Variants in TUBA3D observed in about 807,000 individuals in gnomAD.
The protein encoded by TUBA3D is tubulin alpha 3d.
Under a neutral mutation model 36.1 loss-of-function variants are expected in TUBA3D, and 24 were observed. That is an observed-to-expected ratio of 0.66 (90% CI 0.48 to 0.93). TUBA3D has a LOEUF of 0.93. Ranked by LOEUF, TUBA3D falls within the 40% of genes least tolerant of loss-of-function variation. TUBA3D has a pLI of 0.00. For synonymous variants in TUBA3D, 185 were observed against 247.2 expected (o/e 0.75, Z 2.36); for missense variants, 356 against 614.5 (o/e 0.58, Z 4.45).
chr2:131,482,471 T>C, intron 4 of TUBA3D, 81 bp from the exon 5 acceptor site: 1 of 1,531,536 alleles, frequency 6.5e-7, no homozygotes, highest in Non-Finnish European at 8.8e-7. Flanking sequence ...CTACAGGGTG[T>C]CTTCTGTTTG....
rs775903908 is a variant in TUBA3D at position 131,482,587 on chromosome 2, C to T, written c.1092C>T (p.Pro364=). The T allele has an allele frequency of 1.2e-5, 19 of 1,612,870 alleles. No homozygotes were observed. Among genetic ancestry groups the T allele is most frequent in the South Asian group, 3.3e-5 (3 of 91,020 alleles). The part of the protein sequence containing the change: ...GINYQPPTVV[P]GGDLAKVQRA... Reference sequence around the variant, plus strand: ...ACTACCAGCCCCCCACAGTGGTCCCCGGGGGAGACCTGGCCAAGGTGCAGC... The same window carrying T: ...ACTACCAGCCCCCCACAGTGGTCCCTGGGGGAGACCTGGCCAAGGTGCAGC... Residue 364 remains proline (P), a synonymous_variant, in exon 5 of 5, where the codon CCC becomes CCT. Coordinates refer to ENST00000321253, the MANE Select transcript of TUBA3D (RefSeq NM_080386.4).
intron 2 of TUBA3D, 132 bp from the exon 3 acceptor site, chr2:131,479,176 C>T (rs1388066096): frequency 5.7e-6 from 8 of 1,404,150 alleles, no homozygotes; most frequent in African/African-American, 4.3e-5. Flanking sequence ...GACACTGCCA[C>T]TGTTGACCTA....
At chr2:131,479,260 G>A in intron 2 of TUBA3D, 48 bp from the exon 3 acceptor site, 3 of 1,594,558 alleles carry the variant, frequency 1.9e-6, no homozygotes, top group Non-Finnish European at 2.6e-6. Flanking sequence ...GTCCATCTTG[G>A]TGAGTACAGG....
intron 4 of TUBA3D, among the ~76,000 whole-genome samples, chr2:131,482,282 T>C (rs1678889090): frequency 1.3e-5 from 2 of 152,194 alleles, no homozygotes; most frequent in Non-Finnish European, 2.9e-5. Context: ...TGTCTTCACC[T>C]GGGCACCTAT....
intron 1 of TUBA3D, among the ~76,000 whole-genome samples, chr2:131,477,033 C>CT (rs778753012): frequency 7.2e-6 from 1 of 139,190 alleles, no homozygotes; most frequent in African/African-American, 2.7e-5. Flanking sequence ...CTTTCTTTTT[C>CT]TTTCTTTTTT....
rs1401758493 is a variant in TUBA3D at position 131,476,189 on chromosome 2, C to T, written c.-11C>T. On this transcript the variant is annotated 5_prime_UTR_variant, in exon 1 of 5. Coordinates refer to ENST00000321253, the MANE Select transcript of TUBA3D (RefSeq NM_080386.4). Reference sequence around the variant, plus strand: ...TGGCAGTAGCGTTGGGCTGAAGCAGCGGAGTTCGCCATGGTAAGGCCCGGG... The same window carrying T: ...TGGCAGTAGCGTTGGGCTGAAGCAGTGGAGTTCGCCATGGTAAGGCCCGGG... 1 of 1,613,950 alleles carries T rather than the reference C, an allele frequency of 6.2e-7. No individual in the cohort carries two copies. The highest frequency in any genetic ancestry group is 8.5e-7 in the Non-Finnish European group (1 of 1,179,986).
At chr2:131,481,259 GCTTT>G (rs1027223615) in intron 4 of TUBA3D, among the ~76,000 whole-genome samples, 1 of 151,496 alleles carries the variant, frequency 6.6e-6, no homozygotes, top group African/African-American at 2.4e-5. Context: ...TCTGTGGTGA[GCTTT>G]ATTTATTTAT....
In TUBA3D at chr2:131,479,352, C is replaced by A. The variant is rs1158541089; in HGVS notation, c.271C>A (p.Gln91Lys). 4 of 1,614,044 alleles carry A rather than the reference C, an allele frequency of 2.5e-6. No homozygotes were observed. The highest frequency in any genetic ancestry group is 3.4e-6 in the Non-Finnish European group (4 of 1,180,044). ...CTACAGGCAGCTCTTCCACCCGGAG[C>A]AGCTGATCACCGGGAAGGAAGATGC... The part of the protein sequence containing the change: ...GTYRQLFHPE[Q>K]LITGKEDAAN... The change falls in exon 3 of 5, where the codon CAG becomes AAG. Residue 91 changes from glutamine to lysine, a missense_variant. Gln to Lys is a moderately conservative substitution (Grantham distance 53). Around this residue, in one of 3 missense-constraint regions of TUBA3D, gnomAD observed 109 missense variants for 153.7 expected, o/e 0.71. Transcript: ENST00000321253.
intron 3 of TUBA3D, 97 bp downstream of exon 3, chr2:131,479,553 A>C (rs1319053820): frequency 6.4e-7 from 1 of 1,567,360 alleles, no homozygotes; most frequent in Non-Finnish European, 8.7e-7. Flanking sequence ...TTAGACCAGC[A>C]TCTTGGCCGG....
chr2:131,480,832 G>GAA, intron 4 of TUBA3D, 83 bp downstream of exon 4: 1 of 1,549,162 alleles, frequency 6.5e-7, no homozygotes, highest in Non-Finnish European at 8.8e-7. Flanking sequence ...CATCCTTTGG[G>GAA]GAGATTATCC....
chr2:131,478,326 A>G lies in TUBA3D; in HGVS notation c.166A>G (p.Thr56Ala). ...CTCCTTCAACACGTTCTTCAGTGAG[A>G]CTGGAGCTGGCAAGCACGTGCCCAG... ...DDSFNTFFSE[T>A]GAGKHVPRAV... Residue 56 changes from threonine (T) to alanine (A), a missense_variant, in exon 2 of 5, where the codon ACT (threonine) becomes GCT (alanine). Thr to Ala is a moderately conservative substitution (Grantham distance 58). Coordinates refer to ENST00000321253, the MANE Select transcript of TUBA3D (RefSeq NM_080386.4). The G allele has an allele frequency of 1.9e-6, 3 of 1,613,980 alleles. No homozygotes were observed. Among genetic ancestry groups the G allele is most frequent in the Non-Finnish European group, 2.5e-6 (3 of 1,179,876 alleles).
chr2:131,482,474 T>A (rs3900678), intron 4 of TUBA3D, 78 bp from the exon 5 acceptor site: 1 of 1,532,392 alleles, frequency 6.5e-7, no homozygotes, highest in Non-Finnish European at 8.8e-7. Context: ...CAGGGTGTCT[T>A]CTGTTTGAGG....
At chr2:131,482,433 G>C in intron 4 of TUBA3D, 119 bp from the exon 5 acceptor site, 2 of 1,432,562 alleles carry the variant, frequency 1.4e-6, no homozygotes, top group Non-Finnish European at 1.9e-6. Flanking sequence ...TGACGTTTGT[G>C]AGGTGAACTG....
chr2:131,479,412 G>A lies in TUBA3D; in HGVS notation c.331G>A (p.Gly111Ser), dbSNP rs550660894. 2.2e-5 allele frequency: 35 copies of A among 1,614,120 alleles called. No homozygotes were observed. Among genetic ancestry groups the A allele is most frequent in the Non-Finnish European group, 2.2e-5 (26 of 1,180,028 alleles). Residue 111 changes from glycine to serine, a missense_variant, in exon 3 of 5, where the codon GGC becomes AGC. Coordinates refer to ENST00000321253, the MANE Select transcript of TUBA3D (RefSeq NM_080386.4). ...NNYARGHYTI[G>S]KEIVDLVLDR... is the part of the protein sequence containing the mutation. ...TTACGCCAGGGGCCATTACACCATC[G>A]GCAAGGAGATTGTTGACCTAGTCCT...
rs199950748 is a variant in TUBA3D at position 131,482,670 on chromosome 2, A to G, written c.1175A>G (p.Asp392Gly). The change falls in exon 5 of 5, where the codon GAC becomes GGC. Residue 392 changes from aspartate (D) to glycine (G), a missense_variant. Around this residue, in one of 3 missense-constraint regions of TUBA3D, gnomAD observed 156 missense variants for 219.8 expected, o/e 0.71. Transcript: ENST00000321253. ...ATTGCGGAGGCCTGGGCCCGCCTGG[A>G]CCATAAGTTCGATCTCATGTATGCC... ...TAIAEAWARLDHKFDLMYAKR... is the reference protein window; with the variant it reads ...TAIAEAWARLGHKFDLMYAKR... 2 of 1,568,824 alleles carry G rather than the reference A, an allele frequency of 1.3e-6. No individual in the cohort carries two copies. Among genetic ancestry groups the G allele is most frequent in the East Asian group, 2.3e-5 (1 of 44,266 alleles).
At chr2:131,477,212 A>G (rs1418491123) in intron 1 of TUBA3D, among the ~76,000 whole-genome samples, 1 of 150,506 alleles carries the variant, frequency 6.6e-6, no homozygotes, top group Non-Finnish European at 1.5e-5. Context: ...TAATTTGTAG[A>G]TTTTTCATAG....
At chr2:131,479,790 A>T (rs2313999) in intron 3 of TUBA3D, among the ~76,000 whole-genome samples, 25,809 of 151,962 alleles carry the variant, frequency 0.17, 3,996 homozygotes, top group African/African-American at 0.41. Context: ...CAATGAGCTG[A>T]GATTGCACTA....
intron 1 of TUBA3D, among the ~76,000 whole-genome samples, chr2:131,477,037 C>CTTTTTTTTTTT (rs1229461335): frequency 2.8e-5 from 3 of 108,718 alleles, no homozygotes; most frequent in African/African-American, 2.0e-4. Context: ...CTTTTTCTTT[C>CTTTTTTTTTTT]TTTTTTTTTT....
intron 4 of TUBA3D, among the ~76,000 whole-genome samples, 171 bp from the exon 5 acceptor site, chr2:131,482,381 C>T (rs1678891447): frequency 6.6e-6 from 1 of 152,204 alleles, no homozygotes; most frequent in African/African-American, 2.4e-5. Flanking sequence ...CTCTATTCCT[C>T]ATCTGGAACT....
Sources: gnomAD v4.1 joint callset for allele counts (sites outside exome capture counted in the v4.1 genomes callset) on GRCh38, gnomAD v4.1.1 for gene constraint, gnomAD v4.1.1 regional missense constraint, MANE v1.5 for transcripts, NCBI Gene and HGNC (gene_info 2026-07-23, HGNC 2026-07-21) for gene names.